Variants in PER3 observed in about 807,000 individuals in gnomAD.
The protein encoded by PER3 is period circadian regulator 3, also known as period circadian protein homolog 3.
A neutral mutation model predicts 127.2 loss-of-function variants in PER3; 107 were observed. The observed-to-expected ratio is 0.84, with a 90% CI of 0.72 to 0.99. The LOEUF (loss-of-function observed/expected upper bound fraction) is 0.99, where lower values mean the gene tolerates loss of function less well. Among genes scored for constraint, PER3 ranks in the 50% least tolerant of loss-of-function variants. PER3 has a pLI of 0.00. For missense variants in PER3, 1,560 were observed against 1,525.8 expected (o/e 1.02, Z -0.37); for synonymous variants, 618 against 585.8 (o/e 1.05, Z -0.79).
chr1:7,817,788 G>A (rs761586981), intron 13 of PER3, among the ~76,000 whole-genome samples: 12 of 152,132 alleles, frequency 7.9e-5, no homozygotes, highest in Non-Finnish European at 1.5e-4. Flanking sequence ...ATGAAATAGA[G>A]GTGAAAGGTT....
At chr1:7,792,841 G>A (rs2150529271) in intron 5 of PER3, among the ~76,000 whole-genome samples, 1 of 152,330 alleles carries the variant, frequency 6.6e-6, no homozygotes. Flanking sequence ...GAAATGCATT[G>A]TGGGTGCACG....
At position 7,803,170 on chromosome 1, in the gene PER3, T is replaced by G; in HGVS notation, c.979+17T>G. ...ACCAAAAAGGTCAGGACCTACTCCT[T>G]TATAGGAGGAAATATTTTTCTCTCA... On this transcript the variant is annotated intron_variant, in intron 9 of 21. Transcript: ENST00000377532. 1 of 1,358,948 alleles carries G rather than the reference T, an allele frequency of 7.4e-7. No homozygotes were observed. Among genetic ancestry groups the G allele is most frequent in the Non-Finnish European group, 1.1e-6 (1 of 946,780 alleles). The allele number at this position is 1,358,948 out of a possible 1,614,324, so 84.2% of individuals were successfully genotyped here.
At position 7,830,741 on chromosome 1, in the gene PER3, C is replaced by A. The variant is rs1689904; in HGVS notation, c.3214+580C>A. 1.5e-4 allele frequency among the ~76,000 whole-genome samples: 23 copies of A among 152,102 alleles called. 1 individual carries two copies. The highest frequency in any genetic ancestry group is 6.8e-3 in the Middle Eastern group (2 of 294). ...TTGTTCAAAGGATTAATCTTTCCCCCGTTAAATTGCCGTGATGCCTTTGTT... is the reference window on the plus strand; with the variant it reads ...TTGTTCAAAGGATTAATCTTTCCCCAGTTAAATTGCCGTGATGCCTTTGTT... On this transcript the variant is annotated intron_variant, in intron 19 of 21. Transcript: ENST00000377532.
intron 19 of PER3, among the ~76,000 whole-genome samples, chr1:7,833,843 G>C (rs910309262): frequency 1.3e-5 from 2 of 150,962 alleles, no homozygotes; most frequent in African/African-American, 4.9e-5. Context: ...TCCTCCTTTC[G>C]GGTTAATTGT....
At chr1:7,806,812 A>ATATATAT (rs1553309916) in intron 10 of PER3, among the ~76,000 whole-genome samples, 790 of 60,500 alleles carry the variant, frequency 0.013, 14 homozygotes, top group Middle Eastern at 0.038. Context: ...AAAAAAAAAA[A>ATATATAT]ATATATATAT....
At chr1:7,800,168 G>A (rs1174931450) in intron 7 of PER3, among the ~76,000 whole-genome samples, 2 of 151,750 alleles carry the variant, frequency 1.3e-5, no homozygotes, top group African/African-American at 2.4e-5. Flanking sequence ...ACAAGCAAAT[G>A]AGATATTAGC....
Position 7,843,492 on chromosome 1 carries a change from T to A in PER3, c.*737T>A, listed in dbSNP as rs1012100437. 3 of 152,384 alleles carry A rather than the reference T, an allele frequency of 2.0e-5. No individual in the cohort carries two copies. The highest frequency in any genetic ancestry group is 4.4e-5 in the Non-Finnish European group (3 of 68,044). 9.4% of individuals were successfully genotyped at this position (152,384 alleles called of 1,614,324 possible). ...ATGTGTAATATTAAAATGAAAGAGCTTCTTACCCAGTGCTGTTGCCCTTTT... is the reference window on the plus strand; with the variant it reads ...ATGTGTAATATTAAAATGAAAGAGCATCTTACCCAGTGCTGTTGCCCTTTT... On this transcript the variant is annotated 3_prime_UTR_variant, in exon 22 of 22. Transcript: ENST00000377532.
chr1:7,813,470 C>T (rs1156934936), intron 13 of PER3, among the ~76,000 whole-genome samples: 2 of 152,180 alleles, frequency 1.3e-5, no homozygotes, highest in Non-Finnish European at 2.9e-5. Context: ...GAGCAAGATG[C>T]AGCACTGGAT....
At chr1:7,787,356 G>T in intron 4 of PER3, 1 of 279,498 alleles carries the variant, frequency 3.6e-6, no homozygotes, top group South Asian at 3.3e-5. Flanking sequence ...TGGTTGATAC[G>T]GTGGAGATTA....
intron 5 of PER3, among the ~76,000 whole-genome samples, chr1:7,792,930 G>T (rs115941766): frequency 6.6e-6 from 1 of 152,178 alleles, no homozygotes; most frequent in Non-Finnish European, 1.5e-5. Flanking sequence ...CATGTGTCTG[G>T]TGTGATGAAT....
Position 7,827,215 on chromosome 1 carries a change from C to T in PER3, c.2286C>T (p.Asn762=). 1.9e-6 allele frequency: 3 copies of T among 1,613,932 alleles called. No individual in the cohort carries two copies. The highest frequency in any genetic ancestry group is 2.5e-6 in the Non-Finnish European group (3 of 1,179,980). The change falls in exon 18 of 22, where the codon AAC becomes AAT. Residue 762 remains asparagine (N), a synonymous_variant. Transcript: ENST00000377532. ...LPEPPDSSSS[N]TGSGPRRGAH... is the part of the protein sequence containing the mutation. Reference sequence around the variant, plus strand: ...AGCCGCCAGACAGCAGCAGCTCGAACACCGGCTCTGGTCCCCGCAGGGGAG... The same window carrying T: ...AGCCGCCAGACAGCAGCAGCTCGAATACCGGCTCTGGTCCCCGCAGGGGAG...
chr1:7,786,336 T>C (rs190151125), intron 3 of PER3, among the ~76,000 whole-genome samples: 1 of 152,332 alleles, frequency 6.6e-6, no homozygotes. Context: ...AAACACTTTT[T>C]CTCTCTGACA....
chr1:7,832,366 C>CTT (rs33933452), intron 19 of PER3, among the ~76,000 whole-genome samples: 21 of 85,826 alleles, frequency 2.4e-4, no homozygotes, highest in Non-Finnish European at 3.9e-4. Context: ...GATTTATGCT[C>CTT]TTTTTTTTTT....
chr1:7,803,085 T>A lies in PER3; in HGVS notation c.911T>A (p.Ile304Asn), dbSNP rs773598492. 2 of 1,613,582 alleles carry A rather than the reference T, an allele frequency of 1.2e-6. No individual in the cohort carries two copies. Among genetic ancestry groups the A allele is most frequent in the Admixed American group, 3.3e-5 (2 of 60,014 alleles). The change falls in exon 9 of 22, where the codon ATT becomes AAT. Residue 304 changes from isoleucine (I) to asparagine (N), a missense_variant. Physicochemically the swap from Ile to Asn is moderately radical, Grantham distance 149. This residue lies in a region of PER3 where 1,332 missense variants were observed against 1,223.6 expected (regional missense o/e 1.09). Transcript: ENST00000377532. ...PLLGYLPQDL[I>N]GTSILSYLHP... The stretch of plus-strand genomic sequence containing the variant: ...CTGGGTTACCTACCTCAGGACCTGA[T>A]TGGAACATCGATCCTAAGCTACCTG...
intron 21 of PER3, among the ~76,000 whole-genome samples, chr1:7,841,197 A>G (rs1166564957): frequency 6.6e-6 from 1 of 152,208 alleles, no homozygotes. Context: ...GGCCACATTC[A>G]AAGCCATCCT....
Position 7,815,550 on chromosome 1 carries a change from A to G in PER3, c.1523-3735A>G, listed in dbSNP as rs76110683. On this transcript the variant is annotated intron_variant, in intron 13 of 21. Transcript: ENST00000377532. The stretch of plus-strand genomic sequence containing the variant: ...CTTACATGTTTATGTATCTAATATC[A>G]GAGCTGTTTATTCTCTAGCCATAAT... Among the ~76,000 whole-genome samples the G allele has an allele frequency of 4.4e-3, 676 of 152,350 alleles. 5 individuals carry two copies. Among genetic ancestry groups the G allele is most frequent in the African/African-American group, 0.015 (619 of 41,578 alleles).
intron 20 of PER3, among the ~76,000 whole-genome samples, chr1:7,836,472 C>A (rs1490504342): frequency 6.6e-6 from 1 of 152,168 alleles, no homozygotes; most frequent in African/African-American, 2.4e-5. Context: ...AGCCACTGCA[C>A]CCGGCCTATG....
rs892110791 is a variant in PER3 at position 7,786,245 on chromosome 1, ACT to A, written c.275-473_275-472del. On this transcript the variant is annotated intron_variant, in intron 3 of 21. Transcript: ENST00000377532. Reference sequence around the variant, plus strand: ...ACTCCCGCCTGGGTGACAGAGCGAGACTCTGTCTCTAAAAAATAATAATGATA... The same window carrying A: ...ACTCCCGCCTGGGTGACAGAGCGAGACTGTCTCTAAAAAATAATAATGATA... Among the ~76,000 whole-genome samples, 8 of 152,218 alleles carry A rather than the reference ACT, an allele frequency of 5.3e-5. 1 individual carries two copies. In the East Asian group the frequency reaches 5.8e-4, roughly 11 times the overall value.
At chr1:7,814,844 C>T (rs1316871544) in intron 13 of PER3, among the ~76,000 whole-genome samples, 1 of 152,030 alleles carries the variant, frequency 6.6e-6, no homozygotes, top group African/African-American at 2.4e-5. Flanking sequence ...GTATTTGAAA[C>T]AGTATTTTAT....
Sources: gnomAD v4.1 joint callset for allele counts (sites outside exome capture counted in the v4.1 genomes callset) on GRCh38, gnomAD v4.1.1 for gene constraint, gnomAD v4.1.1 regional missense constraint, MANE v1.5 for transcripts, NCBI Gene and HGNC (gene_info 2026-07-23, HGNC 2026-07-21) for gene names.